The following EXD3 variants were observed in gnomAD, a reference collection of about 807,000 sequenced individuals.
The protein encoded by EXD3 is exonuclease mut-7 homolog.
In EXD3, 92 loss-of-function variants were observed where a neutral mutation model predicts 98.0. The observed-to-expected ratio is 0.94, with a 90% CI of 0.79 to 1.12. EXD3 has a LOEUF of 1.12. Among genes scored for constraint, EXD3 ranks in the 50% most tolerant of loss-of-function variants. The pLI is 0.00. For synonymous variants in EXD3, 569 were observed against 526.0 expected, an observed-to-expected ratio of 1.08 and a Z score of -1.12; for missense variants, 1,222 against 1,191.6, an observed-to-expected ratio of 1.03 and a Z score of -0.38.
At chr9:137,419,897 T>A (rs9777315) in intron 1 of EXD3, among the ~76,000 whole-genome samples, 2 of 151,982 alleles carry the variant, frequency 1.3e-5, no homozygotes, top group East Asian at 3.9e-4. Flanking sequence ...CGGTGGCTCA[T>A]GCCTGTAATC....
intron 17 of EXD3, among the ~76,000 whole-genome samples, chr9:137,331,194 A>G (rs1324083713): frequency 6.6e-6 from 1 of 152,220 alleles, no homozygotes; most frequent in African/African-American, 2.4e-5. Context: ...GCACTTGACA[A>G]AATCTAGCAT....
At chr9:137,383,754 C>G (rs112535944) in intron 2 of EXD3, among the ~76,000 whole-genome samples, 1 of 152,152 alleles carries the variant, frequency 6.6e-6, no homozygotes, top group Non-Finnish European at 1.5e-5. Flanking sequence ...TCACCCAAAC[C>G]CTGCACCGCA....
Position 137,307,249 on chromosome 9 carries a change from C to T in EXD3, c.2332G>A (p.Ala778Thr), listed in dbSNP as rs751950815. 9 of 1,542,514 alleles carry T rather than the reference C, an allele frequency of 5.8e-6. No individual in the cohort carries two copies. The highest frequency in any genetic ancestry group is 1.9e-4 in the Middle Eastern group (1 of 5,268). ...TCATAGGTGCAGCCCTCAGGGGCTGCGTCTGGGGCTGGGCCTGGACAGATA... is the reference window on the plus strand; with the variant it reads ...TCATAGGTGCAGCCCTCAGGGGCTGTGTCTGGGGCTGGGCCTGGACAGATA... ...AVQEPGPAPD[A>T]APEGCTYDRP... is the part of the protein sequence containing the mutation. The change falls in exon 22 of 22, where the codon GCA becomes ACA. Residue 778 changes from alanine (A) to threonine (T), a missense_variant. Ala to Thr is a moderately conservative substitution (Grantham distance 58, BLOSUM62 0). Coordinates refer to ENST00000340951, the MANE Select transcript of EXD3 (RefSeq NM_017820.5).
chr9:137,355,485 A>T (rs868775189), intron 8 of EXD3, among the ~76,000 whole-genome samples: 5 of 62,116 alleles, frequency 8.0e-5, no homozygotes, highest in Non-Finnish European at 1.2e-4. Context: ...GGAAGGAGGA[A>T]GGAGGATGGA....
At position 137,388,362 on chromosome 9, in the gene EXD3, G is replaced by A. The variant is rs565037859; in HGVS notation, c.56-4985C>T. On this transcript the variant is annotated intron_variant, in intron 2 of 21. Transcript: ENST00000340951. ...CCCCCGCGCCGGCCGACGGGAGGACGGATGGTTGCAGGGACGCAGGATGGG... is the reference window on the plus strand; with the variant it reads ...CCCCCGCGCCGGCCGACGGGAGGACAGATGGTTGCAGGGACGCAGGATGGG... Among the ~76,000 whole-genome samples the A allele has an allele frequency of 4.6e-5, 7 of 152,258 alleles. No homozygotes were observed. In the East Asian group the frequency reaches 7.8e-4, roughly 17 times the overall value.
chr9:137,343,272 C>G (rs1833741025), intron 17 of EXD3: 1 of 152,176 alleles, frequency 6.6e-6, no homozygotes. Context: ...CAGGATTAAA[C>G]TCTAGGCATG....
rs555092249 is a variant in EXD3, at chr9:137,337,883, G to A, written c.1998+10188C>T. On this transcript the variant is annotated intron_variant, in intron 17 of 21. Transcript: ENST00000340951. ...GCTCACTGCAAGCTCCACCTCCCGGGTTCATGCCATTCTCCTGCCTCAGCC... is the reference window on the plus strand; with the variant it reads ...GCTCACTGCAAGCTCCACCTCCCGGATTCATGCCATTCTCCTGCCTCAGCC... Among the ~76,000 whole-genome samples, 339 of 151,932 alleles carry A rather than the reference G, an allele frequency of 2.2e-3. 1 individual carries two copies. The highest frequency in any genetic ancestry group is 7.2e-3 in the African/African-American group (300 of 41,470).
At chr9:137,338,569 A>G (rs1478533805) in intron 17 of EXD3, among the ~76,000 whole-genome samples, 1 of 152,090 alleles carries the variant, frequency 6.6e-6, no homozygotes, top group Non-Finnish European at 1.5e-5. Flanking sequence ...AGACTTAACA[A>G]AGCCAAATAC....
chr9:137,330,538 G>C (rs1833001798), intron 17 of EXD3, among the ~76,000 whole-genome samples: 1 of 141,860 alleles, frequency 7.0e-6, no homozygotes, highest in South Asian at 2.4e-4. Flanking sequence ...GAGCTATACA[G>C]GAGCTACACA....
intron 17 of EXD3, among the ~76,000 whole-genome samples, chr9:137,332,251 T>A (rs201531688): frequency 1.7e-4 from 26 of 151,968 alleles, no homozygotes; most frequent in Non-Finnish European, 3.8e-4. Context: ...AAAATCTGTA[T>A]GAACCAAAAA....
At chr9:137,336,786 G>A (rs73581520) in intron 17 of EXD3, among the ~76,000 whole-genome samples, 2,320 of 150,930 alleles carry the variant, frequency 0.015, 36 homozygotes, top group African/African-American at 0.051. Context: ...CAAATTGACT[G>A]AAGGAAAAAT....
chr9:137,421,353 C>T (rs1053711150), intron 1 of EXD3, among the ~76,000 whole-genome samples: 1 of 152,146 alleles, frequency 6.6e-6, no homozygotes, highest in Non-Finnish European at 1.5e-5. Context: ...CAAATATAAT[C>T]CTAAAATTTA....
At chr9:137,317,039 C>A (rs1229049967) in intron 19 of EXD3, among the ~76,000 whole-genome samples, 1 of 152,092 alleles carries the variant, frequency 6.6e-6, no homozygotes, top group Non-Finnish European at 1.5e-5. Flanking sequence ...CTCTCCTGCT[C>A]AGCCTGACAG....
chr9:137,395,513 G>T lies in EXD3; in HGVS notation c.-47-109C>A. 2 of 1,005,790 alleles carry T rather than the reference G, an allele frequency of 2.0e-6. No individual in the cohort carries two copies. The highest frequency in any genetic ancestry group is 1.6e-5 in the African/African-American group (1 of 61,962). The allele number at this position is 1,005,790 out of a possible 1,614,324, so 62.3% of individuals were successfully genotyped here. On this transcript the variant is annotated intron_variant, in intron 1 of 21. Coordinates refer to ENST00000340951, the MANE Select transcript of EXD3 (RefSeq NM_017820.5). The surrounding 1 kb of genome is among the most constrained non-coding windows in gnomAD (Gnocchi z 6.5). ...GGTGGAGGGAGCTGGTGCCTGGGGG[G>T]GCCCAAGTGGGACCCCCAGTCGCTG...
intron 3 of EXD3, chr9:137,374,712 C>T (rs911763794): frequency 3.2e-5 from 32 of 985,392 alleles, no homozygotes; most frequent in South Asian, 1.9e-4. Flanking sequence ...GGATGCCCCT[C>T]GGGGAAAGTG....
rs140079663 is a variant in EXD3 at position 137,384,203 on chromosome 9, G to A, written c.56-826C>T. ...AGGACGGGAACAGGGAAGGCCCCGT[G>A]TTGCTGCGAGGGAGGCTGAGGACTC... On this transcript the variant is annotated intron_variant, in intron 2 of 21. Transcript: ENST00000340951. Among the ~76,000 whole-genome samples, 230 of 152,342 alleles carry A rather than the reference G, an allele frequency of 1.5e-3. 1 individual carries two copies. The highest frequency in any genetic ancestry group is 4.7e-3 in the African/African-American group (195 of 41,596).
At chr9:137,377,788 AT>A (rs571059789) in intron 3 of EXD3, among the ~76,000 whole-genome samples, 2,045 of 131,760 alleles carry the variant, frequency 0.016, 20 homozygotes, top group East Asian at 0.028. Flanking sequence ...TAGTCGTTGA[AT>A]TTTTTTTTTT....
chr9:137,352,706 G>T lies in EXD3; in HGVS notation c.951C>A (p.Ala317=). The change falls in exon 11 of 22, where the codon GCC becomes GCA. Residue 317 remains alanine, a synonymous_variant. Coordinates refer to ENST00000340951, the MANE Select transcript of EXD3 (RefSeq NM_017820.5). ...GCAGCAAGAGTTCCATGGCACACTGGGCGGCCGTGACTGGGTCACTGTGGG... is the reference window on the plus strand; with the variant it reads ...GCAGCAAGAGTTCCATGGCACACTGTGCGGCCGTGACTGGGTCACTGTGGG... The part of the protein sequence containing the change: ...LVSHSDPVTA[A]QCAMELLLPE... 1 of 1,566,156 alleles carries T rather than the reference G, an allele frequency of 6.4e-7. No individual in the cohort carries two copies. Among genetic ancestry groups the T allele is most frequent in the South Asian group, 1.2e-5 (1 of 85,162 alleles).
chr9:137,339,267 A>T (rs1833529112), intron 17 of EXD3, among the ~76,000 whole-genome samples: 1 of 152,148 alleles, frequency 6.6e-6, no homozygotes, highest in Non-Finnish European at 1.5e-5. Flanking sequence ...TTGCAGAAAA[A>T]AGAGGGAAAA....
Sources: allele counts gnomAD v4.1 joint callset (sites outside exome capture counted in the v4.1 genomes callset), GRCh38; gene constraint gnomAD v4.1.1; non-coding constraint Gnocchi (gnomAD v3.1); transcripts MANE v1.5; gene names NCBI Gene and HGNC (gene_info 2026-07-23, HGNC 2026-07-21).